Variants in KIAA1549 observed in about 807,000 individuals in gnomAD.
KIAA1549 encodes the protein UPF0606 protein KIAA1549.
In KIAA1549, 70 loss-of-function variants were observed where a neutral mutation model predicts 156.4. The observed-to-expected ratio is 0.45, with a 90% confidence interval of 0.37 to 0.55. The LOEUF is 0.55. KIAA1549 is among the 20% of genes least tolerant of loss of function. KIAA1549 has a pLI of 0.00. For synonymous variants in KIAA1549, 1,103 were observed against 1,066.4 expected (o/e 1.03, Z -0.67); for missense variants, 2,428 against 2,540.9 (o/e 0.96, Z 0.96).
At chr7:138,939,085 C>T (rs1813100473) in intron 1 of KIAA1549, among the ~76,000 whole-genome samples, 1 of 152,154 alleles carries the variant, frequency 6.6e-6, no homozygotes, top group Admixed American at 6.5e-5. Context: ...AAGACTGGAA[C>T]CCATTACTCA....
intron 1 of KIAA1549, among the ~76,000 whole-genome samples, chr7:138,939,964 T>C (rs964254031): frequency 6.6e-5 from 10 of 152,186 alleles, no homozygotes; most frequent in African/African-American, 1.7e-4. Flanking sequence ...CTGGGCAACA[T>C]AGCAAGACCC....
Position 138,836,522 on chromosome 7 carries a change from A to G in KIAA1549, c.*1384T>C, listed in dbSNP as rs1304434579. On this transcript the variant is annotated 3_prime_UTR_variant, in exon 20 of 20. Transcript: ENST00000422774. ...TTCGCTGATCTAATAAAAACAGGTT[A>G]ATAGTGAAAATCTCTTAGCTAAGCC... 1 of 215,448 alleles carries G rather than the reference A, an allele frequency of 4.6e-6. No homozygotes were observed. The highest frequency in any genetic ancestry group is 9.3e-6 in the Non-Finnish European group (1 of 107,052). The allele number at this position is 215,448 out of a possible 1,614,324, so 13.3% of individuals were successfully genotyped here. A position where few individuals can be genotyped will look rare whatever the true frequency, so the allele number is the denominator to read the frequency against.
chr7:138,974,604 G>A (rs1438326164), intron 1 of KIAA1549, among the ~76,000 whole-genome samples: 4 of 151,718 alleles, frequency 2.6e-5, no homozygotes, highest in Non-Finnish European at 5.9e-5. Flanking sequence ...TGTGTTTTTA[G>A]TAGAGACGAG....
In KIAA1549 at chr7:138,861,269, C is replaced by T; in HGVS notation, c.5117G>A (p.Ser1706Asn). The T allele has an allele frequency of 6.2e-7, 1 of 1,608,382 alleles. No homozygotes were observed. Residue 1706 changes from serine (S) to asparagine (N), a missense_variant, in exon 16 of 20, where the codon AGC (serine) becomes AAC (asparagine). Around this residue, in one of 5 missense-constraint regions of KIAA1549, gnomAD observed 363 missense variants for 354.0 expected, o/e 1.03. Transcript: ENST00000422774. The stretch of plus-strand genomic sequence containing the variant: ...GACTCCGGGGCCTACACCTGCGGTG[C>T]TGGCAGGCTGGCTGCTGGGGGCCAC... ...ALVAPSSQPA[S>N]TAGVGPGVPP...
At position 138,837,729 on chromosome 7, in the gene KIAA1549, A is replaced by C; in HGVS notation, c.*177T>G. 1 of 646,756 alleles carries C rather than the reference A, an allele frequency of 1.5e-6. No individual in the cohort carries two copies. The highest frequency in any genetic ancestry group is 2.6e-6 in the Non-Finnish European group (1 of 386,356). The allele number at this position is 646,756 out of a possible 1,614,324, so 40.1% of individuals were successfully genotyped here. On this transcript the variant is annotated 3_prime_UTR_variant, in exon 20 of 20. Coordinates refer to ENST00000422774, the MANE Select transcript of KIAA1549 (RefSeq NM_001164665.2). ...GTTCAGACAATTGCCAGCCCAGTGA[A>C]AGGCTCATGAGCTGTCACACGACGT...
Position 138,918,149 on chromosome 7 carries a change from G to C in KIAA1549, c.1477C>G (p.Leu493Val), listed in dbSNP as rs537387549. The change falls in exon 2 of 20, where the codon CTT (leucine) becomes GTT (valine). Residue 493 changes from leucine (L) to valine (V), a missense_variant. Transcript: ENST00000422774. The surrounding 1 kb of genome is among the most constrained non-coding windows in gnomAD (Gnocchi z 4.2). ...GAGATTTCCATGGATCTAGAAGAAA[G>C]TGGGACGATAGGTCTGGAGGGGAAA... ...TLFPSRPIVP[L>V]SSRSMEISET... 27 of 1,614,024 alleles carry C rather than the reference G, an allele frequency of 1.7e-5. No individual in the cohort carries two copies. In the East Asian group the frequency reaches 5.8e-4, roughly 35 times the overall value.
chr7:138,868,629 T>C (rs984657064), intron 14 of KIAA1549, among the ~76,000 whole-genome samples: 1 of 152,152 alleles, frequency 6.6e-6, no homozygotes, highest in African/African-American at 2.4e-5. Flanking sequence ...GGTTTCACCA[T>C]ATTGGCCAGG....
intron 3 of KIAA1549, among the ~76,000 whole-genome samples, chr7:138,912,048 C>G (rs1030700428): frequency 1.3e-5 from 2 of 152,218 alleles, no homozygotes; most frequent in African/African-American, 4.8e-5. Flanking sequence ...AATCCAAGTC[C>G]TTTCATGTGA....
At chr7:138,890,050 T>C (rs1407837383) in intron 10 of KIAA1549, among the ~76,000 whole-genome samples, 4 of 152,220 alleles carry the variant, frequency 2.6e-5, no homozygotes, top group African/African-American at 9.7e-5. Flanking sequence ...AATATTCATA[T>C]TAGGACCGAG....
chr7:138,947,320 T>G (rs1383660681), intron 1 of KIAA1549, among the ~76,000 whole-genome samples: 1 of 152,164 alleles, frequency 6.6e-6, no homozygotes, highest in African/African-American at 2.4e-5. Context: ...AGTACATCAC[T>G]TAATTTCCCC....
chr7:138,868,046 T>C lies in KIAA1549; in HGVS notation c.4858A>G (p.Ile1620Val). 6.2e-7 allele frequency: 1 copy of C among 1,613,960 alleles called. No homozygotes were observed. Among genetic ancestry groups the C allele is most frequent in the Non-Finnish European group, 8.5e-7 (1 of 1,179,872 alleles). Reference protein sequence around the residue: ...CPADAEKDRLITTDSDGTYRR... With the variant: ...CPADAEKDRLVTTDSDGTYRR... ...TAGGTGCCATCGCTGTCTGTGGTGA[T>C]GAGCCGGTCCTTCTCAGCGTCGGCA... Residue 1620 changes from isoleucine to valine, a missense_variant, in exon 15 of 20, where the codon ATC becomes GTC. This residue lies in a region of KIAA1549 where 404 missense variants were observed against 417.0 expected (regional missense o/e 0.97). Transcript: ENST00000422774.
At chr7:138,885,448 C>T in intron 10 of KIAA1549, among the ~76,000 whole-genome samples, 1 of 152,150 alleles carries the variant, frequency 6.6e-6, no homozygotes, top group East Asian at 1.9e-4. Context: ...GCCCGACAGC[C>T]CCTTCTCTGC....
intron 8 of KIAA1549, among the ~76,000 whole-genome samples, chr7:138,899,590 C>T (rs1811784404): frequency 6.6e-6 from 1 of 152,160 alleles, no homozygotes; most frequent in Non-Finnish European, 1.5e-5. Context: ...TCTGCTAGGG[C>T]AGGGCTTCTC....
At chr7:138,964,981 G>A (rs2130562738) in intron 1 of KIAA1549, among the ~76,000 whole-genome samples, 1 of 148,550 alleles carries the variant, frequency 6.7e-6, no homozygotes, top group East Asian at 2.0e-4. Context: ...TTTTTTTTGA[G>A]ACAGGGTCTT....
At chr7:138,920,428 C>T (rs1394451982) in intron 1 of KIAA1549, among the ~76,000 whole-genome samples, 1 of 152,126 alleles carries the variant, frequency 6.6e-6, no homozygotes, top group East Asian at 1.9e-4. Context: ...GTGCCTAGCA[C>T]AATAAGTGCT....
At position 138,831,639 on chromosome 7, in the gene KIAA1549, G is replaced by A. The variant is rs975399592; in HGVS notation, c.*6267C>T. 8.7e-6 allele frequency: 2 copies of A among 229,400 alleles called. No homozygotes were observed. The highest frequency in any genetic ancestry group is 1.7e-5 in the Non-Finnish European group (2 of 115,768). The allele number at this position is 229,400 out of a possible 1,614,324, so 14.2% of individuals were successfully genotyped here. On this transcript the variant is annotated 3_prime_UTR_variant, in exon 20 of 20. Transcript: ENST00000422774. The stretch of plus-strand genomic sequence containing the variant: ...AGCAAACCATGATTGTCAAGTTTAA[G>A]TTGCAGTATTGATGCCACAGTTGGC...
intron 17 of KIAA1549, among the ~76,000 whole-genome samples, chr7:138,846,285 A>G (rs983798920): frequency 1.3e-5 from 2 of 152,194 alleles, no homozygotes; most frequent in Admixed American, 6.5e-5. Flanking sequence ...CTGTAATCCC[A>G]GCACTTTGGG....
At chr7:138,891,879 TA>T (rs1811557461) in intron 10 of KIAA1549, among the ~76,000 whole-genome samples, 1 of 152,160 alleles carries the variant, frequency 6.6e-6, no homozygotes, top group Non-Finnish European at 1.5e-5. Context: ...CACATGACCT[TA>T]AAAGAAACAC....
At chr7:138,967,861 A>T (rs1446580673) in intron 1 of KIAA1549, among the ~76,000 whole-genome samples, 2 of 152,092 alleles carry the variant, frequency 1.3e-5, no homozygotes, top group Admixed American at 1.3e-4. Flanking sequence ...CCCCATCCAG[A>T]TCTGGCCTGT....
Sources: gnomAD v4.1 joint callset for allele counts (sites outside exome capture counted in the v4.1 genomes callset) on GRCh38, gnomAD v4.1.1 for gene constraint, gnomAD v4.1.1 regional missense constraint, Gnocchi (gnomAD v3.1) non-coding constraint, MANE v1.5 for transcripts, NCBI Gene and HGNC (gene_info 2026-07-23, HGNC 2026-07-21) for gene names.